CERS6: variants seen among roughly 807,000 people sequenced by gnomAD.
The protein encoded by CERS6 is LAG1 homolog, ceramide synthase 6.
Under a neutral mutation model 56.8 loss-of-function variants are expected in CERS6, and 26 were observed. The observed-to-expected ratio is 0.46, with a 90% CI of 0.34 to 0.63. The LOEUF (loss-of-function observed/expected upper bound fraction) is 0.63, where lower values mean the gene tolerates loss of function less well. Among genes scored for constraint, CERS6 ranks in the 30% least tolerant of loss-of-function variants. The probability of loss-of-function intolerance (pLI) is 0.01; values close to 1 mark genes in which losing one functional copy is unlikely to be tolerated. For missense variants in CERS6, 415 were observed against 467.5 expected (o/e 0.89, Z 1.04); for synonymous variants, 164 against 173.3 (o/e 0.95, Z 0.42).
At chr2:168,691,898 TTTTG>T (rs1686512966) in intron 5 of CERS6, among the ~76,000 whole-genome samples, 1 of 152,126 alleles carries the variant, frequency 6.6e-6, no homozygotes, top group South Asian at 2.1e-4. Context: ...ACTTCAGGTT[TTTTG>T]TTTGGGGTTT....
At chr2:168,629,001 C>CT (rs1303200776) in intron 3 of CERS6, among the ~76,000 whole-genome samples, 14 of 152,150 alleles carry the variant, frequency 9.2e-5, no homozygotes, top group Middle Eastern at 3.4e-3. Context: ...AACTCCACAA[C>CT]TTAAAGAAGT....
chr2:168,497,823 G>A (rs977832315), intron 1 of CERS6, among the ~76,000 whole-genome samples: 2 of 152,128 alleles, frequency 1.3e-5, no homozygotes, highest in African/African-American at 4.8e-5. Flanking sequence ...CTGCATAGAG[G>A]GGAGATGCAG....
chr2:168,511,179 G>A (rs1012321350), intron 1 of CERS6, among the ~76,000 whole-genome samples: 1 of 151,938 alleles, frequency 6.6e-6, no homozygotes, highest in African/African-American at 2.4e-5. Context: ...TCCTTGGTTG[G>A]GTCCATTTTT....
At chr2:168,674,457 G>A (rs745675568) in intron 4 of CERS6, among the ~76,000 whole-genome samples, 3 of 152,148 alleles carry the variant, frequency 2.0e-5, no homozygotes, top group Non-Finnish European at 4.4e-5. Context: ...CTTGATACTA[G>A]TTTTGGCTTT....
chr2:168,642,164 G>A (rs1047469626), intron 4 of CERS6, among the ~76,000 whole-genome samples: 9 of 152,084 alleles, frequency 5.9e-5, no homozygotes, highest in Non-Finnish European at 1.3e-4. Flanking sequence ...TTGAGCCCAG[G>A]AGTTTGAGAC....
At chr2:168,517,024 T>TG (rs1694895344) in intron 1 of CERS6, among the ~76,000 whole-genome samples, 1 of 152,026 alleles carries the variant, frequency 6.6e-6, no homozygotes, top group East Asian at 1.9e-4. Context: ...GTTTAATGGG[T>TG]GTTGTTTGGA....
At chr2:168,539,619 G>A (rs1405390809) in intron 1 of CERS6, among the ~76,000 whole-genome samples, 1 of 152,172 alleles carries the variant, frequency 6.6e-6, no homozygotes, top group Non-Finnish European at 1.5e-5. Context: ...ACATGCACAT[G>A]TATATGTCTA....
intron 4 of CERS6, among the ~76,000 whole-genome samples, chr2:168,646,240 G>A (rs942250847): frequency 6.6e-6 from 1 of 152,120 alleles, no homozygotes; most frequent in African/African-American, 2.4e-5. Flanking sequence ...ATTCTGACTG[G>A]TGTGAGATGG....
At chr2:168,734,259 A>T (rs946304917) in intron 8 of CERS6, among the ~76,000 whole-genome samples, 1 of 152,160 alleles carries the variant, frequency 6.6e-6, no homozygotes, top group African/African-American at 2.4e-5. Flanking sequence ...GAAGGAAAAA[A>T]AAATAAGCTG....
At position 168,456,464 on chromosome 2, in the gene CERS6, G is replaced by A. The variant is rs4496303; in HGVS notation, c.16G>A (p.Ala6Thr). 20,966 of 1,613,650 alleles carry A rather than the reference G, an allele frequency of 0.013. 175 individuals carry two copies. The highest frequency in any genetic ancestry group is 0.014 in the Non-Finnish European group (16,408 of 1,179,674). Reference sequence around the variant, plus strand: ...ACAAAGCAAGATGGCAGGGATCTTAGCCTGGTTCTGGAACGAGAGGTTTTG... The same window carrying A: ...ACAAAGCAAGATGGCAGGGATCTTAACCTGGTTCTGGAACGAGAGGTTTTG... MAGIL[A>T]WFWNERFWLP... Residue 6 changes from alanine to threonine, a missense_variant, in exon 1 of 10, where the codon GCC (alanine) becomes ACC (threonine). Transcript: ENST00000305747. This position sits in a 1 kb window ranked among gnomAD's most constrained non-coding sequence, Gnocchi z 4.1.
intron 4 of CERS6, among the ~76,000 whole-genome samples, chr2:168,687,544 G>GTGTGCTGGCC (rs1347056216): frequency 6.6e-6 from 1 of 152,146 alleles, no homozygotes; most frequent in African/African-American, 2.4e-5. Flanking sequence ...CTTTAATGGC[G>GTGTGCTGGCC]TCTGCTGGCC....
intron 6 of CERS6, among the ~76,000 whole-genome samples, chr2:168,704,467 C>T (rs549155350): frequency 6.6e-6 from 1 of 152,238 alleles, no homozygotes; most frequent in South Asian, 2.1e-4. Context: ...GTTTATAGCT[C>T]TGTCTCTCTC....
At chr2:168,654,617 AG>A (rs200803603) in intron 4 of CERS6, among the ~76,000 whole-genome samples, 4,339 of 152,320 alleles carry the variant, frequency 0.028, 222 homozygotes, top group African/African-American at 0.099. Context: ...AGAAGCACAT[AG>A]AATCTTGTTG....
In CERS6 at chr2:168,645,148, G is replaced by A. The variant is rs1322757845; in HGVS notation, c.465+14106G>A. Among the ~76,000 whole-genome samples the A allele has an allele frequency of 3.0e-3, 88 of 29,446 alleles. 5 individuals are homozygous for A. The highest frequency in any genetic ancestry group is 4.3e-3 in the Non-Finnish European group (81 of 18,990). 19.3% of individuals were successfully genotyped at this position (29,446 alleles called of 152,430 possible). A position where few individuals can be genotyped will look rare whatever the true frequency, so the allele number is the denominator to read the frequency against. On this transcript the variant is annotated intron_variant, in intron 4 of 9. Coordinates refer to ENST00000305747, the MANE Select transcript of CERS6 (RefSeq NM_203463.3). ...ATATATATATATATATATATAGAGA[G>A]AGAGAGAGAGAGAGAGAGAGAGAGA...
intron 8 of CERS6, among the ~76,000 whole-genome samples, chr2:168,747,008 A>T (rs1684128304): frequency 6.6e-6 from 1 of 151,782 alleles, no homozygotes; most frequent in Admixed American, 6.6e-5. Flanking sequence ...TCGCACTTTA[A>T]ATCATGTTTT....
intron 1 of CERS6, among the ~76,000 whole-genome samples, chr2:168,457,255 TAA>T (rs1159047368): frequency 6.6e-6 from 1 of 152,196 alleles, no homozygotes; most frequent in East Asian, 1.9e-4. Context: ...GCGGTTTCTT[TAA>T]AAGAGGATGT....
chr2:168,604,803 G>C (rs1382211558), intron 3 of CERS6, among the ~76,000 whole-genome samples: 1 of 152,152 alleles, frequency 6.6e-6, no homozygotes, highest in Admixed American at 6.5e-5. Context: ...AGCAGCCACT[G>C]TGCTTCCTGT....
intron 4 of CERS6, among the ~76,000 whole-genome samples, chr2:168,641,831 G>T (rs1010299046): frequency 1.3e-5 from 2 of 150,888 alleles, no homozygotes; most frequent in Admixed American, 6.6e-5. Flanking sequence ...CTCATACCCC[G>T]CATGAATCTC....
chr2:168,511,011 G>C (rs1430730564), intron 1 of CERS6, among the ~76,000 whole-genome samples: 1 of 152,122 alleles, frequency 6.6e-6, no homozygotes, highest in Non-Finnish European at 1.5e-5. Context: ...CACCCTCACT[G>C]TTTATCACTT....
Sources: allele counts gnomAD v4.1 joint callset (sites outside exome capture counted in the v4.1 genomes callset), GRCh38; gene constraint gnomAD v4.1.1; non-coding constraint Gnocchi (gnomAD v3.1); transcripts MANE v1.5; gene names NCBI Gene and HGNC (gene_info 2026-07-23, HGNC 2026-07-21).